NRXN3: variants seen among roughly 807,000 people sequenced by gnomAD.
NRXN3 encodes the protein neurexin III.
Under a neutral mutation model 137.6 loss-of-function variants are expected in NRXN3, and 32 were observed. The ratio of observed to expected loss-of-function variants is 0.23; its 90% CI spans 0.18 to 0.31. The LOEUF (loss-of-function observed/expected upper bound fraction) is 0.31, where lower values mean the gene tolerates loss of function less well. Among genes scored for constraint, NRXN3 ranks in the 10% least tolerant of loss-of-function variants. NRXN3 has a pLI of 1.00. For synonymous variants in NRXN3, 798 were observed against 784.5 expected, an observed-to-expected ratio of 1.02 and a Z score of -0.29; for missense variants, 1,574 against 2,062.5, an observed-to-expected ratio of 0.76 and a Z score of 4.59.
chr14:78,592,538 G>A, intron 4 of NRXN3, among the ~76,000 whole-genome samples: 1 of 152,154 alleles, frequency 6.6e-6, no homozygotes, highest in South Asian at 2.1e-4. Flanking sequence ...ATGTCTTTCT[G>A]CCTGGATATA....
chr14:79,862,196 G>C lies in NRXN3; in HGVS notation c.*232G>C. ...GGCAAGGTCCCAGCGGTCGCTGGGA[G>C]ACAGAAGGTTTTGTGCCCTGCTGTA... On this transcript the variant is annotated 3_prime_UTR_variant, in exon 21 of 21. Transcript: ENST00000335750. 2.0e-6 allele frequency: 1 copy of C among 494,162 alleles called. No homozygotes were observed. Among genetic ancestry groups the C allele is most frequent in the Non-Finnish European group, 3.6e-6 (1 of 274,002 alleles). 30.6% of individuals were successfully genotyped at this position (494,162 alleles called of 1,614,324 possible).
chr14:79,496,022 A>G (rs1055722954), intron 16 of NRXN3, among the ~76,000 whole-genome samples: 4 of 152,050 alleles, frequency 2.6e-5, no homozygotes, highest in African/African-American at 9.7e-5. Flanking sequence ...GCAAACATTG[A>G]GCAATGTTGG....
At chr14:78,477,212 T>C (rs2095394898) in intron 4 of NRXN3, among the ~76,000 whole-genome samples, 3 of 152,184 alleles carry the variant, frequency 2.0e-5, no homozygotes, top group Admixed American at 2.0e-4. Flanking sequence ...AGAATCACTT[T>C]CCATACCATT....
intron 15 of NRXN3, among the ~76,000 whole-genome samples, chr14:79,126,400 C>T (rs1206002264): frequency 6.7e-6 from 1 of 148,272 alleles, no homozygotes; most frequent in Admixed American, 6.7e-5. Flanking sequence ...GTTCAATTCC[C>T]ACCTATGAGT....
chr14:78,296,969 T>A (rs891345443), intron 3 of NRXN3, among the ~76,000 whole-genome samples: 3 of 152,194 alleles, frequency 2.0e-5, no homozygotes, highest in African/African-American at 7.2e-5. Context: ...GTTAAAAATT[T>A]TTTCTTCTTA....
intron 15 of NRXN3, among the ~76,000 whole-genome samples, chr14:79,195,561 G>T (rs900678348): frequency 5.9e-5 from 9 of 152,134 alleles, no homozygotes; most frequent in African/African-American, 2.2e-4. Flanking sequence ...TTCATTATAT[G>T]ATTGGTTTAT....
At chr14:79,804,141 T>G (rs947192724) in intron 19 of NRXN3, among the ~76,000 whole-genome samples, 1 of 151,816 alleles carries the variant, frequency 6.6e-6, no homozygotes, top group Non-Finnish European at 1.5e-5. Flanking sequence ...AGTCAGTAAA[T>G]ATTGGTCACA....
At chr14:78,400,388 A>C (rs2091939507) in intron 4 of NRXN3, among the ~76,000 whole-genome samples, 1 of 152,210 alleles carries the variant, frequency 6.6e-6, no homozygotes, top group African/African-American at 2.4e-5. Flanking sequence ...TTAAGACTTA[A>C]ACCAACCATA....
intron 4 of NRXN3, among the ~76,000 whole-genome samples, chr14:78,506,496 A>G (rs1202646327): frequency 6.6e-6 from 1 of 152,076 alleles, no homozygotes; most frequent in Non-Finnish European, 1.5e-5. Flanking sequence ...AGTAGCCTTC[A>G]TACTGTTTTT....
At chr14:79,283,636 C>T (rs1201310653) in intron 15 of NRXN3, among the ~76,000 whole-genome samples, 2 of 151,746 alleles carry the variant, frequency 1.3e-5, no homozygotes, top group African/African-American at 4.8e-5. Context: ...GGGGTGCCCC[C>T]AAAAAATCTC....
intron 4 of NRXN3, among the ~76,000 whole-genome samples, chr14:78,495,789 G>A (rs2095769311): frequency 6.6e-6 from 1 of 152,150 alleles, no homozygotes; most frequent in African/African-American, 2.4e-5. Context: ...CAGTCTTCTG[G>A]ATCTCTGACC....
At position 79,533,665 on chromosome 14, in the gene NRXN3, C is replaced by T. The variant is rs891572824; in HGVS notation, c.3444+66263C>T. On this transcript the variant is annotated intron_variant, in intron 16 of 20. Transcript: ENST00000335750. Reference sequence around the variant, plus strand: ...CCATGTTCTATTCAAAAAATTTTGGCATATTGATTGTCTGGGGTAAGGTTC... The same window carrying T: ...CCATGTTCTATTCAAAAAATTTTGGTATATTGATTGTCTGGGGTAAGGTTC... 2.0e-5 allele frequency among the ~76,000 whole-genome samples: 3 copies of T among 152,252 alleles called. No homozygotes were observed. In the East Asian group the frequency reaches 5.8e-4, roughly 29 times the overall value.
intron 16 of NRXN3, among the ~76,000 whole-genome samples, chr14:79,537,965 CTTT>C (rs2097230056): frequency 6.6e-6 from 1 of 152,174 alleles, no homozygotes; most frequent in Non-Finnish European, 1.5e-5. Flanking sequence ...TGTTTCCTAA[CTTT>C]TTAATGATTA....
intron 15 of NRXN3, among the ~76,000 whole-genome samples, chr14:79,130,581 A>T (rs1424266248): frequency 6.6e-6 from 1 of 151,938 alleles, no homozygotes; most frequent in African/African-American, 2.4e-5. Context: ...TTTGTGGGTA[A>T]CCCGACCTTT....
intron 16 of NRXN3, among the ~76,000 whole-genome samples, chr14:79,527,026 C>T (rs930168629): frequency 6.6e-6 from 1 of 152,278 alleles, no homozygotes; most frequent in Non-Finnish European, 1.5e-5. Flanking sequence ...GTGGCTCACG[C>T]CTGTAATCCC....
At chr14:79,682,960 T>C (rs2098678023) in intron 17 of NRXN3, among the ~76,000 whole-genome samples, 1 of 152,136 alleles carries the variant, frequency 6.6e-6, no homozygotes, top group South Asian at 2.1e-4. Flanking sequence ...CAGACTATGA[T>C]GACCAATGCA....
chr14:79,333,176 A>G (rs757958732), intron 15 of NRXN3, among the ~76,000 whole-genome samples: 51 of 152,012 alleles, frequency 3.4e-4, no homozygotes, highest in Admixed American at 1.4e-3. Context: ...TTATCCCCTC[A>G]ACTACTCATT....
At chr14:78,680,314 A>G (rs138615719) in intron 6 of NRXN3, among the ~76,000 whole-genome samples, 175 of 152,252 alleles carry the variant, frequency 1.1e-3, no homozygotes, top group African/African-American at 4.0e-3. Context: ...AATCTGTACA[A>G]CAAATCCCCA....
chr14:78,180,319 G>T (rs888450679), intron 1 of NRXN3, among the ~76,000 whole-genome samples: 1 of 152,124 alleles, frequency 6.6e-6, no homozygotes, highest in Admixed American at 6.5e-5. Context: ...CAGCCACCTA[G>T]AGTCCCAAGC....
Sources: gnomAD v4.1 joint callset for allele counts (sites outside exome capture counted in the v4.1 genomes callset) on GRCh38, gnomAD v4.1.1 for gene constraint, MANE v1.5 for transcripts, NCBI Gene and HGNC (gene_info 2026-07-23, HGNC 2026-07-21) for gene names.